HNMT: variants seen among roughly 807,000 people sequenced by gnomAD.
HNMT encodes the protein histamine N-methyltransferase.
A neutral mutation model predicts 32.1 loss-of-function variants in HNMT; 30 were observed. The ratio of observed to expected loss-of-function variants is 0.93; its 90% confidence interval spans 0.70 to 1.27. HNMT has a LOEUF of 1.27. Ranked by LOEUF, HNMT falls within the 50% of genes most tolerant of loss-of-function variation. The pLI is 0.00. For synonymous variants in HNMT, 125 were observed against 119.0 expected (o/e 1.05, Z -0.33); for missense variants, 327 against 346.0 (o/e 0.95, Z 0.43).
In HNMT at chr2:138,014,354, C is replaced by A; in HGVS notation, c.*224C>A. On this transcript the variant is annotated 3_prime_UTR_variant, in exon 6 of 6. Transcript: ENST00000280097. ...TCCAGGTAGAGAGACCACAAGCAGG[C>A]TCAACATAACATAAGCTAGAAAAAT... 2.4e-6 allele frequency: 1 copy of A among 413,448 alleles called. No homozygotes were observed. 25.6% of individuals were successfully genotyped at this position (413,448 alleles called of 1,614,324 possible). A position where few individuals can be genotyped will look rare whatever the true frequency, so the allele number is the denominator to read the frequency against.
intron 2 of HNMT, among the ~76,000 whole-genome samples, chr2:137,980,334 G>A (rs1680452824): frequency 6.6e-6 from 1 of 152,130 alleles, no homozygotes. Flanking sequence ...ACCATGCCCG[G>A]TCCTGTAACA....
chr2:137,965,654 A>G (rs1458600823), intron 1 of HNMT, among the ~76,000 whole-genome samples: 1 of 152,224 alleles, frequency 6.6e-6, no homozygotes, highest in Non-Finnish European at 1.5e-5. Context: ...TGCAAACATC[A>G]AAGCAAATAG....
chr2:137,987,566 G>A (rs1680683896), intron 2 of HNMT, among the ~76,000 whole-genome samples: 1 of 141,184 alleles, frequency 7.1e-6, no homozygotes, highest in Non-Finnish European at 1.5e-5. Flanking sequence ...TGTGGGTCCT[G>A]CTCTGAAGGA....
At chr2:137,980,188 A>G (rs1207145678) in intron 2 of HNMT, among the ~76,000 whole-genome samples, 1 of 152,136 alleles carries the variant, frequency 6.6e-6, no homozygotes, top group Non-Finnish European at 1.5e-5. Flanking sequence ...GGCGTCAGCC[A>G]CCACACCCAG....
rs397701047 is a variant in HNMT at position 137,973,779 on chromosome 2, T to TTG, written c.190+3562_190+3563insTG. ...ACCACTTAATTCTCATGGTTTTTTTTGGGGGGGGGTGGTCTATTTGATTTT... is the reference window on the plus strand; with the variant it reads ...ACCACTTAATTCTCATGGTTTTTTTTTGGGGGGGGGGTGGTCTATTTGATTTT... On this transcript the variant is annotated intron_variant, in intron 2 of 5. Transcript: ENST00000280097. Among the ~76,000 whole-genome samples, 831 of 148,392 alleles carry TTG rather than the reference T, an allele frequency of 5.6e-3. 7 individuals carry two copies. Among genetic ancestry groups the TTG allele is most frequent in the South Asian group, 0.039 (179 of 4,552 alleles).
intron 1 of HNMT, among the ~76,000 whole-genome samples, chr2:137,969,047 C>T (rs1313735041): frequency 6.6e-6 from 1 of 152,180 alleles, no homozygotes; most frequent in Admixed American, 6.5e-5. Flanking sequence ...TCTTCTTTTA[C>T]AACTGCCATT....
intron 4 of HNMT, among the ~76,000 whole-genome samples, chr2:138,003,498 G>A (rs1558745988): frequency 6.6e-6 from 1 of 152,070 alleles, no homozygotes; most frequent in African/African-American, 2.4e-5. Flanking sequence ...GTCATATACA[G>A]GCAATTCTAT....
intron 2 of HNMT, among the ~76,000 whole-genome samples, chr2:137,982,232 T>C (rs1182405447): frequency 6.6e-6 from 1 of 152,236 alleles, no homozygotes; most frequent in Admixed American, 6.5e-5. Flanking sequence ...TCTGCTATCT[T>C]ATTAAACGTA....
At chr2:137,998,682 G>A (rs1681069930) in intron 2 of HNMT, among the ~76,000 whole-genome samples, 1 of 152,130 alleles carries the variant, frequency 6.6e-6, no homozygotes, top group African/African-American at 2.4e-5. Context: ...GAGAGGGACT[G>A]CCTGGCTCTG....
At chr2:137,996,513 T>C (rs958669004) in intron 2 of HNMT, among the ~76,000 whole-genome samples, 4 of 151,878 alleles carry the variant, frequency 2.6e-5, no homozygotes, top group African/African-American at 9.7e-5. Context: ...TTTTCAAGGA[T>C]ATAAGAGAGG....
At chr2:137,983,032 T>C (rs756476221) in intron 2 of HNMT, among the ~76,000 whole-genome samples, 7 of 152,158 alleles carry the variant, frequency 4.6e-5, no homozygotes, top group Non-Finnish European at 1.0e-4. Context: ...CAAGCCCAGG[T>C]TGGATTTTTC....
chr2:138,009,831 T>C (rs1016128528), intron 5 of HNMT, among the ~76,000 whole-genome samples: 11 of 152,078 alleles, frequency 7.2e-5, no homozygotes, highest in Non-Finnish European at 1.5e-5. Flanking sequence ...AGGTGTTCCA[T>C]CTACATCCCT....
At chr2:137,975,581 C>G (rs555493374) in intron 2 of HNMT, among the ~76,000 whole-genome samples, 2 of 152,280 alleles carry the variant, frequency 1.3e-5, no homozygotes, top group Non-Finnish European at 2.9e-5. Context: ...ATTTGAAAAT[C>G]TAACCTTATC....
chr2:138,006,821 C>CT (rs1681343100), intron 5 of HNMT, among the ~76,000 whole-genome samples: 1 of 151,914 alleles, frequency 6.6e-6, no homozygotes, highest in Admixed American at 6.6e-5. Context: ...TATATTACAT[C>CT]TTTTCATATA....
chr2:138,008,653 C>T (rs1208177106), intron 5 of HNMT, among the ~76,000 whole-genome samples: 1 of 151,930 alleles, frequency 6.6e-6, no homozygotes, highest in Non-Finnish European at 1.5e-5. Flanking sequence ...TTTGACAAAG[C>T]TGACAAAAAC....
intron 1 of HNMT, among the ~76,000 whole-genome samples, chr2:137,965,690 G>A (rs1462968400): frequency 6.6e-6 from 1 of 152,096 alleles, no homozygotes; most frequent in African/African-American, 2.4e-5. Context: ...TCTTACCTAG[G>A]AACTAATTAT....
intron 2 of HNMT, among the ~76,000 whole-genome samples, chr2:137,998,659 T>C (rs1445729119): frequency 1.3e-5 from 2 of 152,192 alleles, no homozygotes; most frequent in African/African-American, 4.8e-5. Flanking sequence ...GTGTCCTCTA[T>C]CAGTGCCCCA....
In HNMT at chr2:138,015,903, T is replaced by A. The variant is rs1360355936; in HGVS notation, c.*1773T>A. ...TGTAAATATGGCCTTTTTCTCGTCC[T>A]TATTAAACCCTTAGTATACAAGGAT... On this transcript the variant is annotated 3_prime_UTR_variant, in exon 6 of 6. Transcript: ENST00000280097. The A allele has an allele frequency of 6.6e-6, 1 of 152,186 alleles. No individual in the cohort carries two copies. Among genetic ancestry groups the A allele is most frequent in the Non-Finnish European group, 1.5e-5 (1 of 68,018 alleles). The allele number at this position is 152,186 out of a possible 1,614,324, so 9.4% of individuals were successfully genotyped here. A position where few individuals can be genotyped will look rare whatever the true frequency, so the allele number is the denominator to read the frequency against.
At chr2:137,974,026 A>G (rs1256457212) in intron 2 of HNMT, among the ~76,000 whole-genome samples, 1 of 152,012 alleles carries the variant, frequency 6.6e-6, no homozygotes, top group East Asian at 1.9e-4. Context: ...ATATCAATAA[A>G]TTATAACTGG....
Sources: allele counts gnomAD v4.1 joint callset (sites outside exome capture counted in the v4.1 genomes callset), GRCh38; gene constraint gnomAD v4.1.1; transcripts MANE v1.5; gene names NCBI Gene and HGNC (gene_info 2026-07-23, HGNC 2026-07-21).